LCT: variants seen among roughly 807,000 people sequenced by gnomAD.
The protein encoded by LCT is lactase/phlorizin hydrolase.
Under a neutral mutation model 173.0 loss-of-function variants are expected in LCT, and 90 were observed. The observed-to-expected ratio is 0.52, with a 90% CI of 0.44 to 0.62. LCT has a LOEUF of 0.62. Among genes scored for constraint, LCT ranks in the 20% least tolerant of loss-of-function variants. The pLI is 0.00. For missense variants in LCT, 1,864 were observed against 2,431.4 expected (o/e 0.77, Z 4.91); for synonymous variants, 853 against 957.6 (o/e 0.89, Z 2.02).
Position 135,817,789 on chromosome 2 carries a change from G to T in LCT, c.1259C>A (p.Thr420Asn), listed in dbSNP as rs200550461. 1.0e-4 allele frequency: 162 copies of T among 1,613,868 alleles called. No individual in the cohort carries two copies. The highest frequency in any genetic ancestry group is 3.4e-6 in the Non-Finnish European group (4 of 1,180,026). ...IWDPRRPLNTTEGQATLEVAS... is the reference protein window; with the variant it reads ...IWDPRRPLNTNEGQATLEVAS... ...CACCTCCAGCGTCGCTTGGCCCTCA[G>T]TGGTGTTCAGGGGCCTGCGTGGATC... Residue 420 changes from threonine to asparagine, a missense_variant, in exon 6 of 17, where the codon ACT becomes AAT. This residue lies in a region of LCT where 183 missense variants were observed against 293.1 expected (regional missense o/e 0.62). Transcript: ENST00000264162.
chr2:135,791,195 C>G (rs1035338162), intron 14 of LCT, among the ~76,000 whole-genome samples: 6 of 152,246 alleles, frequency 3.9e-5, no homozygotes, highest in African/African-American at 9.6e-5. Context: ...GCTCCTTACA[C>G]CAGCTATGAA....
rs141940289 is a variant in LCT, at chr2:135,804,773, C to G, written c.4458G>C (p.Gln1486His). Residue 1486 changes from glutamine (Q) to histidine (H), a missense_variant, in exon 10 of 17, where the codon CAG (glutamine) becomes CAC (histidine). Physicochemically the swap from Gln to His is conservative, Grantham distance 24 (BLOSUM62 0). Around this residue, in one of 4 missense-constraint regions of LCT, gnomAD observed 514 missense variants for 750.1 expected, o/e 0.69. Coordinates refer to ENST00000264162, the MANE Select transcript of LCT (RefSeq NM_002299.4). ...LIDTLLAASI[Q>H]PQVTIYHWDL... ...TTGCCAGGACCCACCATACCTGGGGCTGGATGCTGGCGGCCAGCAGTGTAT... is the reference window on the plus strand; with the variant it reads ...TTGCCAGGACCCACCATACCTGGGGGTGGATGCTGGCGGCCAGCAGTGTAT... 2.0e-5 allele frequency: 33 copies of G among 1,612,510 alleles called. No homozygotes were observed. The African/African-American group carries it at 4.3e-4, about 21-fold the overall frequency.
In LCT at chr2:135,836,819, G is replaced by A. The variant is rs200862944; in HGVS notation, c.351C>T (p.Leu117=). The A allele has an allele frequency of 6.2e-6, 10 of 1,614,200 alleles. No individual in the cohort carries two copies. Among genetic ancestry groups the A allele is most frequent in the Non-Finnish European group, 4.2e-6 (5 of 1,180,034 alleles). The change falls in exon 1 of 17, where the codon CTC becomes CTT. Residue 117 remains leucine, a synonymous_variant. Transcript: ENST00000264162. ...EKTVQCYRRL[L]KALKTARLQP... is the part of the protein sequence containing the mutation. Reference sequence around the variant, plus strand: ...GAAGCCGTGCAGTCTTGAGGGCCTTGAGGAGTCGCCGGTAGCACTGCACTG... The same window carrying A: ...GAAGCCGTGCAGTCTTGAGGGCCTTAAGGAGTCGCCGGTAGCACTGCACTG...
chr2:135,800,481 T>G lies in LCT; in HGVS notation c.4866+126A>C. On this transcript the variant is annotated intron_variant, in intron 12 of 16. Transcript: ENST00000264162. ...CTCAAGAAATCCTCCTGCCTCAGAC[T>G]TCCAAAGTGCTGGGATTATAGACAT... 3 of 833,814 alleles carry G rather than the reference T, an allele frequency of 3.6e-6. No individual in the cohort carries two copies. In the South Asian group the frequency reaches 4.3e-5, roughly 12 times the overall value. The allele number at this position is 833,814 out of a possible 1,614,324, so 51.7% of individuals were successfully genotyped here. A position where few individuals can be genotyped will look rare whatever the true frequency, so the allele number is the denominator to read the frequency against.
chr2:135,822,056 T>C lies in LCT; in HGVS notation c.950A>G (p.Asn317Ser), dbSNP rs1250088309. 6.2e-7 allele frequency: 1 copy of C among 1,609,762 alleles called. No individual in the cohort carries two copies. The highest frequency in any genetic ancestry group is 8.5e-7 in the Non-Finnish European group (1 of 1,176,116). The change falls in exon 5 of 17, where the codon AAT becomes AGT. Residue 317 changes from asparagine to serine, a missense_variant. Physicochemically the swap from Asn to Ser is conservative, Grantham distance 46 (BLOSUM62 1). Around this residue, in one of 4 missense-constraint regions of LCT, gnomAD observed 412 missense variants for 462.0 expected, o/e 0.89. Transcript: ENST00000264162. ...ACTTGATGAACAACTCAGAAACTCA[T>C]TAATATCAAACCCAATGGTGAGCAC... ...DQVLTIGFDI[N>S]EFLSCSSSSK...
chr2:135,821,949 A>G lies in LCT; in HGVS notation c.986+71T>C, dbSNP rs986312244. ...TTGATGACAACAGTCCTATAAGATT[A>G]TACATGTAAAAGAAACAGAGTATTC... On this transcript the variant is annotated intron_variant, in intron 5 of 16. Transcript: ENST00000264162. 3.3e-6 allele frequency: 3 copies of G among 916,814 alleles called. No homozygotes were observed. The South Asian group carries it at 3.9e-5, about 12-fold the overall frequency. 56.8% of individuals were successfully genotyped at this position (916,814 alleles called of 1,614,324 possible). A position where few individuals can be genotyped will look rare whatever the true frequency, so the allele number is the denominator to read the frequency against.
In LCT at chr2:135,790,969, G is replaced by A; in HGVS notation, c.5112-88C>T. On this transcript the variant is annotated intron_variant, in intron 14 of 16. Coordinates refer to ENST00000264162, the MANE Select transcript of LCT (RefSeq NM_002299.4). The surrounding 1 kb of genome is among the most constrained non-coding windows in gnomAD (Gnocchi z 4.1). ...AAACACAAAACAGGACTTAGACCAG[G>A]AAAAGCCTTAGGTTTTGTCTAGCCT... The A allele has an allele frequency of 1.0e-6, 1 of 988,708 alleles. No individual in the cohort carries two copies. Among genetic ancestry groups the A allele is most frequent in the Non-Finnish European group, 1.6e-6 (1 of 623,374 alleles). 61.2% of individuals were successfully genotyped at this position (988,708 alleles called of 1,614,324 possible).
At chr2:135,829,740 G>T in intron 2 of LCT, 64 bp from the exon 3 acceptor site, 1 of 1,108,240 alleles carries the variant, frequency 9.0e-7, no homozygotes, top group African/African-American at 1.5e-5. Context: ...CAGCCTCTCA[G>T]AAGTACGCTT....
chr2:135,790,891 C>A lies in LCT; in HGVS notation c.5112-10G>T. 6.2e-7 allele frequency: 1 copy of A among 1,603,344 alleles called. No homozygotes were observed. Among genetic ancestry groups the A allele is most frequent in the Non-Finnish European group, 8.5e-7 (1 of 1,170,220 alleles). ...GATGGAAGCAACTCCTCTACAAGTT[C>A]AAAAACTAAAGATGAGGTCTTGTTT... is the stretch of plus-strand genomic sequence containing the variant. On this transcript the variant is annotated splice_polypyrimidine_tract_variant and intron_variant, in intron 14 of 16. Coordinates refer to ENST00000264162, the MANE Select transcript of LCT (RefSeq NM_002299.4). This position sits in a 1 kb window ranked among gnomAD's most constrained non-coding sequence, Gnocchi z 4.1.
intron 13 of LCT, among the ~76,000 whole-genome samples, chr2:135,795,126 A>C (rs914205491): frequency 3.3e-5 from 5 of 152,186 alleles, no homozygotes; most frequent in African/African-American, 1.2e-4. Context: ...GATATTTAGC[A>C]TCTATGACAG....
intron 12 of LCT, among the ~76,000 whole-genome samples, chr2:135,799,227 G>A (rs1342284853): frequency 6.6e-6 from 1 of 152,098 alleles, no homozygotes; most frequent in Non-Finnish European, 1.5e-5. Context: ...CAAGGCCCAT[G>A]GTGTTTCCCC....
intron 13 of LCT, 55 bp downstream of exon 13, chr2:135,797,974 T>C: frequency 1.1e-6 from 1 of 951,128 alleles, no homozygotes; most frequent in Admixed American, 1.7e-5. Flanking sequence ...GCCCGAGACA[T>C]GCCTCTGTGA....
rs375845174 is a variant in LCT, at chr2:135,808,531, G to A, written c.3816C>T (p.Thr1272=). 6.9e-5 allele frequency: 111 copies of A among 1,614,072 alleles called. No homozygotes were observed. Among genetic ancestry groups the A allele is most frequent in the Non-Finnish European group, 5.6e-5 (66 of 1,180,040 alleles). Residue 1272 remains threonine (T), a synonymous_variant, in exon 8 of 17, where the codon ACC becomes ACT. Transcript: ENST00000264162. The part of the protein sequence containing the change: ...EEYGDIPIYI[T]ENGVGLTNPN... ...GATTGGTCAGCCCCACTCCGTTTTC[G>A]GTGATGTAAATGGGGATGTCACCAT... is the stretch of plus-strand genomic sequence containing the variant.
chr2:135,835,981 T>C (rs1410777784), intron 1 of LCT, among the ~76,000 whole-genome samples: 2 of 19,922 alleles, frequency 1.0e-4, no homozygotes, highest in East Asian at 2.9e-3. Flanking sequence ...TGTGTGTATA[T>C]ATATATATAT....
chr2:135,835,983 T>A (rs11895269), intron 1 of LCT, among the ~76,000 whole-genome samples: 28,124 of 59,742 alleles, frequency 0.47, 4,521 homozygotes, highest in Middle Eastern at 0.58. Flanking sequence ...TGTGTATATA[T>A]ATATATATAT....
intron 6 of LCT, among the ~76,000 whole-genome samples, chr2:135,814,401 A>G (rs536074035): frequency 2.1e-4 from 32 of 152,338 alleles, no homozygotes; most frequent in African/African-American, 5.5e-4. Context: ...AATAATAGGG[A>G]AAAGTGCTAA....
chr2:135,796,355 C>T (rs4954430), intron 13 of LCT, among the ~76,000 whole-genome samples: 24,103 of 152,204 alleles, frequency 0.16, 2,506 homozygotes, highest in South Asian at 0.29. Flanking sequence ...CTGTCCCTGA[C>T]GCTTCTGCTC....
rs1559546863 is a variant in LCT, at chr2:135,788,035, G to T, written c.*289C>A. The T allele has an allele frequency of 4.6e-6, 2 of 438,538 alleles. No homozygotes were observed. The highest frequency in any genetic ancestry group is 4.0e-5 in the African/African-American group (2 of 50,164). The allele number at this position is 438,538 out of a possible 1,614,324, so 27.2% of individuals were successfully genotyped here. On this transcript the variant is annotated 3_prime_UTR_variant, in exon 17 of 17. Transcript: ENST00000264162. The stretch of plus-strand genomic sequence containing the variant: ...CTGAAACTTAAAACAGCCCTGTTAA[G>T]TTCAATTAAGTGGTTCACAGACCCA...
At chr2:135,797,075 G>A (rs2077587868) in intron 13 of LCT, among the ~76,000 whole-genome samples, 1 of 151,458 alleles carries the variant, frequency 6.6e-6, no homozygotes, top group Non-Finnish European at 1.5e-5. Flanking sequence ...AGCCTCCCAA[G>A]TAGCTGGGAT....
Sources: gnomAD v4.1 joint callset for allele counts (sites outside exome capture counted in the v4.1 genomes callset) on GRCh38, gnomAD v4.1.1 for gene constraint, gnomAD v4.1.1 regional missense constraint, Gnocchi (gnomAD v3.1) non-coding constraint, MANE v1.5 for transcripts, NCBI Gene and HGNC (gene_info 2026-07-23, HGNC 2026-07-21) for gene names.